ADGRL3: variants seen among roughly 807,000 people sequenced by gnomAD.
The protein encoded by ADGRL3 is calcium-independent alpha-latrotoxin receptor 3.
In ADGRL3, 62 loss-of-function variants were observed where a neutral mutation model predicts 153.5. The ratio of observed to expected loss-of-function variants is 0.40; its 90% CI spans 0.33 to 0.50. The LOEUF (loss-of-function observed/expected upper bound fraction) is 0.50, where lower values mean the gene tolerates loss of function less well. Among genes scored for constraint, ADGRL3 ranks in the 20% least tolerant of loss-of-function variants. The probability of loss-of-function intolerance (pLI) is 0.47; values close to 1 mark genes in which losing one functional copy is unlikely to be tolerated. For synonymous variants in ADGRL3, 710 were observed against 672.5 expected, an observed-to-expected ratio of 1.06 and a Z score of -0.86; for missense variants, 1,641 against 1,859.4, an observed-to-expected ratio of 0.88 and a Z score of 2.16.
At chr4:61,239,020 C>T (rs1256486571) in intron 1 of ADGRL3, among the ~76,000 whole-genome samples, 1 of 152,118 alleles carries the variant, frequency 6.6e-6, no homozygotes, top group Non-Finnish European at 1.5e-5. Flanking sequence ...TACCTACTCT[C>T]CAGAAAGACA....
intron 6 of ADGRL3, among the ~76,000 whole-genome samples, chr4:61,679,092 G>T (rs1580240705): frequency 6.6e-6 from 1 of 152,140 alleles, no homozygotes; most frequent in East Asian, 1.9e-4. Flanking sequence ...GATTCTGCAG[G>T]CTGTACAAGC....
intron 20 of ADGRL3, among the ~76,000 whole-genome samples, chr4:61,997,493 A>T (rs1395109703): frequency 1.3e-5 from 2 of 150,828 alleles, no homozygotes; most frequent in African/African-American, 4.8e-5. Flanking sequence ...AAGTTGTGGA[A>T]TACATAAATT....
intron 8 of ADGRL3, among the ~76,000 whole-genome samples, chr4:61,799,036 T>TAC (rs1397718627): frequency 7.4e-5 from 9 of 120,910 alleles, no homozygotes; most frequent in African/African-American, 1.3e-4. Flanking sequence ...TATATATATA[T>TAC]ATACCATATA....
At chr4:61,796,297 T>A (rs1484177119) in intron 8 of ADGRL3, among the ~76,000 whole-genome samples, 3 of 152,148 alleles carry the variant, frequency 2.0e-5, no homozygotes, top group Admixed American at 2.0e-4. Flanking sequence ...TCATTTTGAA[T>A]CTTCGTCATA....
chr4:61,841,313 T>C lies in ADGRL3; in HGVS notation c.1480+27424T>C, dbSNP rs143875773. ...TTCCAATAAGCTGGAGGCTCACGTA[T>C]TTGCATATAAATTAGGTCATTTCTT... On this transcript the variant is annotated intron_variant, in intron 9 of 26. Coordinates refer to ENST00000683033, the MANE Select transcript of ADGRL3 (RefSeq NM_001387552.1). Among the ~76,000 whole-genome samples the C allele has an allele frequency of 4.8e-3, 681 of 143,034 alleles. 3 individuals are homozygous for C. Among genetic ancestry groups the C allele is most frequent in the South Asian group, 0.012 (53 of 4,416 alleles). The allele number at this position is 143,034 out of a possible 152,430, so 93.8% of individuals were successfully genotyped here. A position where few individuals can be genotyped will look rare whatever the true frequency, so the allele number is the denominator to read the frequency against.
At chr4:62,052,697 G>A (rs1243474727) in intron 25 of ADGRL3, among the ~76,000 whole-genome samples, 2 of 150,856 alleles carry the variant, frequency 1.3e-5, no homozygotes, top group African/African-American at 2.4e-5. Flanking sequence ...ATTTCAGTAC[G>A]AGGATGAATA....
chr4:61,335,481 C>T (rs1361706433), intron 1 of ADGRL3, among the ~76,000 whole-genome samples: 1 of 152,142 alleles, frequency 6.6e-6, no homozygotes, highest in Non-Finnish European at 1.5e-5. Flanking sequence ...GTCAAATTCT[C>T]TTTCAGGACT....
chr4:61,241,579 GTTAC>G (rs1175963712), intron 1 of ADGRL3, among the ~76,000 whole-genome samples: 1 of 151,838 alleles, frequency 6.6e-6, no homozygotes, highest in Non-Finnish European at 1.5e-5. Context: ...AAATTTATAG[GTTAC>G]TTAGAAACAA....
intron 2 of ADGRL3, among the ~76,000 whole-genome samples, chr4:61,421,744 G>A (rs1394197130): frequency 6.6e-6 from 1 of 151,730 alleles, no homozygotes; most frequent in Non-Finnish European, 1.5e-5. Context: ...GGTATATTAG[G>A]GACTTTAGTA....
intron 5 of ADGRL3, among the ~76,000 whole-genome samples, chr4:61,625,016 T>C (rs1218645696): frequency 6.6e-6 from 1 of 152,106 alleles, no homozygotes; most frequent in Non-Finnish European, 1.5e-5. Context: ...GCAAATTATT[T>C]TGAAAAATTG....
intron 6 of ADGRL3, among the ~76,000 whole-genome samples, chr4:61,721,958 G>A (rs1448760285): frequency 6.6e-6 from 1 of 151,966 alleles, no homozygotes; most frequent in East Asian, 1.9e-4. Flanking sequence ...TGAATTTTCT[G>A]AAATTATATA....
intron 9 of ADGRL3, among the ~76,000 whole-genome samples, chr4:61,859,964 A>C (rs1273632498): frequency 6.6e-6 from 1 of 152,180 alleles, no homozygotes; most frequent in Non-Finnish European, 1.5e-5. Flanking sequence ...AGGTTGACAA[A>C]ATAACAACAC....
chr4:61,876,022 T>TA (rs33994763), intron 9 of ADGRL3, among the ~76,000 whole-genome samples: 35,416 of 147,636 alleles, frequency 0.24, 4,898 homozygotes, highest in Admixed American at 0.35. Flanking sequence ...ACCCTGTCTC[T>TA]AAAAAAAAAA....
chr4:61,964,847 C>T (rs755057037), intron 17 of ADGRL3, among the ~76,000 whole-genome samples: 1 of 151,794 alleles, frequency 6.6e-6, no homozygotes, highest in African/African-American at 2.4e-5. Flanking sequence ...AACATAGAAA[C>T]CTTTCCATCC....
intron 2 of ADGRL3, among the ~76,000 whole-genome samples, chr4:61,477,411 G>A (rs781637665): frequency 6.6e-5 from 10 of 152,006 alleles, no homozygotes; most frequent in Admixed American, 1.3e-4. Context: ...ACAATTTTAT[G>A]CAAAAGAAAG....
At chr4:61,280,265 A>G (rs2093667838) in intron 1 of ADGRL3, among the ~76,000 whole-genome samples, 1 of 151,526 alleles carries the variant, frequency 6.6e-6, no homozygotes, top group Non-Finnish European at 1.5e-5. Context: ...GCACGCCACC[A>G]TGCCTGGCTA....
intron 19 of ADGRL3, 116 bp from the exon 20 acceptor site, chr4:61,996,175 C>A (rs779686174): frequency 1.5e-6 from 1 of 670,578 alleles, no homozygotes; most frequent in Non-Finnish European, 2.7e-6. Flanking sequence ...TGTAATATTT[C>A]CTGTCTCCCA....
At chr4:61,353,579 C>T (rs2096096306) in intron 1 of ADGRL3, among the ~76,000 whole-genome samples, 1 of 149,760 alleles carries the variant, frequency 6.7e-6, no homozygotes, top group Non-Finnish European at 1.5e-5. Flanking sequence ...TACCACCACA[C>T]CTGGCTAATT....
At chr4:61,716,472 T>C (rs893833176) in intron 6 of ADGRL3, among the ~76,000 whole-genome samples, 3 of 152,150 alleles carry the variant, frequency 2.0e-5, no homozygotes, top group Non-Finnish European at 4.4e-5. Context: ...ATCAGTAAAC[T>C]GGACAGATTT....
Sources: allele counts gnomAD v4.1 joint callset (sites outside exome capture counted in the v4.1 genomes callset), GRCh38; gene constraint gnomAD v4.1.1; transcripts MANE v1.5; gene names NCBI Gene and HGNC (gene_info 2026-07-23, HGNC 2026-07-21).